INSYN2A: variants seen among roughly 807,000 people sequenced by gnomAD.
The protein encoded by INSYN2A is inhibitory synaptic factor 2A, also known as family with sequence similarity 196 member A.
In INSYN2A, 17 loss-of-function variants were observed where a neutral mutation model predicts 39.4. The observed-to-expected ratio is 0.43, with a 90% CI of 0.30 to 0.65. The LOEUF is 0.65. INSYN2A is among the 30% of genes least tolerant of loss of function. INSYN2A has a pLI of 0.14. For synonymous variants in INSYN2A, 255 were observed against 265.7 expected, an observed-to-expected ratio of 0.96 and a Z score of 0.39; for missense variants, 595 against 631.2, an observed-to-expected ratio of 0.94 and a Z score of 0.61.
Position 127,175,375 on chromosome 10 carries a change from C to T in INSYN2A, c.1021G>A (p.Ala341Thr), listed in dbSNP as rs747492162. 6.2e-7 allele frequency: 1 copy of T among 1,613,926 alleles called. No individual in the cohort carries two copies. Among genetic ancestry groups the T allele is most frequent in the Middle Eastern group, 1.6e-4 (1 of 6,084 alleles). Residue 341 changes from alanine (A) to threonine (T), a missense_variant, in exon 4 of 6, where the codon GCT (alanine) becomes ACT (threonine). Physicochemically the swap from Ala to Thr is moderately conservative, Grantham distance 58. Around this residue, in one of 2 missense-constraint regions of INSYN2A, gnomAD observed 478 missense variants for 467.4 expected, o/e 1.02. Coordinates refer to ENST00000522781, the MANE Select transcript of INSYN2A (RefSeq NM_001039762.3). This position sits in a 1 kb window ranked among gnomAD's most constrained non-coding sequence, Gnocchi z 6.3. The part of the protein sequence containing the change: ...LGNQPSPTAV[A>T]AGEECQRIVP... ...ATTCGTTGGCATTCTTCACCTGCAG[C>T]AACCGCTGTGGGACTAGGCTGGTTC...
In INSYN2A at chr10:127,152,033, G is replaced by A. The variant is rs535637448; in HGVS notation, c.1256+1819C>T. Reference sequence around the variant, plus strand: ...CACATATATATATATATTTTTTTTCGATCACCCACAGAATATTACGTAGGT... The same window carrying A: ...CACATATATATATATATTTTTTTTCAATCACCCACAGAATATTACGTAGGT... On this transcript the variant is annotated intron_variant, in intron 5 of 5. Coordinates refer to ENST00000522781, the MANE Select transcript of INSYN2A (RefSeq NM_001039762.3). Among the ~76,000 whole-genome samples, 837 of 149,834 alleles carry A rather than the reference G, an allele frequency of 5.6e-3. 11 individuals are homozygous for A. Among genetic ancestry groups the A allele is most frequent in the African/African-American group, 0.019 (789 of 40,704 alleles).
chr10:127,171,187 C>T (rs1217321774), intron 4 of INSYN2A, among the ~76,000 whole-genome samples: 1 of 152,130 alleles, frequency 6.6e-6, no homozygotes, highest in Non-Finnish European at 1.5e-5. Flanking sequence ...TGGAAATCTA[C>T]ATAAGCAAAT....
At chr10:127,160,355 A>G (rs2053492025) in intron 4 of INSYN2A, among the ~76,000 whole-genome samples, 1 of 152,174 alleles carries the variant, frequency 6.6e-6, no homozygotes, top group Admixed American at 6.5e-5. Flanking sequence ...TTAAATTCTC[A>G]ATGGAAAGTT....
intron 4 of INSYN2A, among the ~76,000 whole-genome samples, chr10:127,170,772 C>A (rs2054501331): frequency 6.6e-6 from 1 of 152,090 alleles, no homozygotes; most frequent in South Asian, 2.1e-4. Flanking sequence ...TCAATGACTC[C>A]CATTAGTGAC....
In INSYN2A at chr10:127,192,208, A is replaced by G. The variant is rs530504963; in HGVS notation, c.-269+397T>C. On this transcript the variant is annotated intron_variant, in intron 2 of 5. Coordinates refer to ENST00000522781, the MANE Select transcript of INSYN2A (RefSeq NM_001039762.3). ...ATAGTGTGGTAAAGAGAACATGTCT[A>G]TGGATGTGCAATACTTTGAATAAAC... Among the ~76,000 whole-genome samples the G allele has an allele frequency of 6.6e-5, 10 of 152,324 alleles. No individual in the cohort carries two copies. In the South Asian group the frequency reaches 2.1e-3, roughly 32 times the overall value.
chr10:127,163,044 G>T (rs569992149), intron 4 of INSYN2A, among the ~76,000 whole-genome samples: 1 of 152,076 alleles, frequency 6.6e-6, no homozygotes, highest in Non-Finnish European at 1.5e-5. Context: ...TCTTCCCTCC[G>T]GGGCAGCACA....
At chr10:127,160,394 G>A (rs2053496092) in intron 4 of INSYN2A, among the ~76,000 whole-genome samples, 1 of 152,210 alleles carries the variant, frequency 6.6e-6, no homozygotes, top group African/African-American at 2.4e-5. Flanking sequence ...GTGACTGGAT[G>A]GGGCATTTGT....
chr10:127,188,881 T>A (rs919259118), intron 2 of INSYN2A, among the ~76,000 whole-genome samples: 2 of 152,162 alleles, frequency 1.3e-5, no homozygotes, highest in Non-Finnish European at 2.9e-5. Flanking sequence ...GAGGCACAGG[T>A]AGTGGAGTCA....
At position 127,176,029 on chromosome 10, in the gene INSYN2A, T is replaced by G; in HGVS notation, c.367A>C (p.Lys123Gln). The G allele has an allele frequency of 6.2e-7, 1 of 1,614,188 alleles. No homozygotes were observed. Among genetic ancestry groups the G allele is most frequent in the South Asian group, 1.1e-5 (1 of 91,082 alleles). ...GGGAGGCTTTTGAGGTTCCCCTTTT[T>G]GCGGTCCAGAGGGAACGTCTGGTAA... ...KCYQTFPLDR[K>Q]KGNLKSLPAA... The change falls in exon 4 of 6, where the codon AAA becomes CAA. Residue 123 changes from lysine to glutamine, a missense_variant. Physicochemically the swap from Lys to Gln is moderately conservative, Grantham distance 53 (BLOSUM62 1). Around this residue, in one of 2 missense-constraint regions of INSYN2A, gnomAD observed 478 missense variants for 467.4 expected, o/e 1.02. Transcript: ENST00000522781. The surrounding 1 kb of genome is among the most constrained non-coding windows in gnomAD (Gnocchi z 4.4).
chr10:127,179,213 G>C (rs1363481808), intron 2 of INSYN2A, among the ~76,000 whole-genome samples: 1 of 152,168 alleles, frequency 6.6e-6, no homozygotes, highest in Non-Finnish European at 1.5e-5. Flanking sequence ...ACATCAGTTG[G>C]CTGGGGTAAG....
rs2056839347 is a variant in INSYN2A at position 127,192,658 on chromosome 10, G to A, written c.-322C>T. On this transcript the variant is annotated 5_prime_UTR_variant, in exon 2 of 6. Transcript: ENST00000522781. ...TTTGGAGCCAGGAAATGTCTCTGAA[G>A]TTATGGTTTTTCTCAATGTGAGAGG... The A allele has an allele frequency of 6.6e-6, 1 of 152,210 alleles. No homozygotes were observed. The highest frequency in any genetic ancestry group is 2.4e-5 in the African/African-American group (1 of 41,446). 9.4% of individuals were successfully genotyped at this position (152,210 alleles called of 1,614,324 possible).
chr10:127,178,716 GAGGA>G (rs2055426055), intron 2 of INSYN2A, among the ~76,000 whole-genome samples: 1 of 152,202 alleles, frequency 6.6e-6, no homozygotes, highest in Non-Finnish European at 1.5e-5. Flanking sequence ...CAGTTTTAGA[GAGGA>G]GAGAAAAGGC....
intron 2 of INSYN2A, among the ~76,000 whole-genome samples, chr10:127,178,552 C>G (rs540321698): frequency 2.6e-5 from 4 of 152,324 alleles, no homozygotes; most frequent in African/African-American, 9.6e-5. Flanking sequence ...TGCATTAGCC[C>G]TTGCACCTCT....
At chr10:127,140,665 G>GAGTCTCTGGGTTGAGTTTGACACACCA (rs2051151691) in intron 5 of INSYN2A, among the ~76,000 whole-genome samples, 3 of 152,162 alleles carry the variant, frequency 2.0e-5, no homozygotes, top group Admixed American at 6.6e-5. Flanking sequence ...TTGACACACC[G>GAGTCTCTGGGTTGAGTTTGACACACCA]AGTCTCTGGG....
intron 4 of INSYN2A, among the ~76,000 whole-genome samples, chr10:127,166,192 A>C (rs1042234622): frequency 6.6e-6 from 1 of 152,076 alleles, no homozygotes; most frequent in African/African-American, 2.4e-5. Context: ...CAGCCCCCCA[A>C]GTAGCTGGGA....
chr10:127,150,554 C>T, intron 5 of INSYN2A, among the ~76,000 whole-genome samples: 1 of 152,238 alleles, frequency 6.6e-6, no homozygotes, highest in East Asian at 1.9e-4. Context: ...TAACTGGCTT[C>T]TCTGTCTTTG....
At chr10:127,143,205 G>A (rs1014287009) in intron 5 of INSYN2A, among the ~76,000 whole-genome samples, 3 of 152,218 alleles carry the variant, frequency 2.0e-5, no homozygotes, top group Non-Finnish European at 4.4e-5. Context: ...AGTCGTCCAT[G>A]TGTAACAGTT....
At chr10:127,149,943 A>C (rs1404120570) in intron 5 of INSYN2A, among the ~76,000 whole-genome samples, 3 of 152,194 alleles carry the variant, frequency 2.0e-5, no homozygotes, top group Non-Finnish European at 4.4e-5. Flanking sequence ...ACTAAGAGCC[A>C]GGCTTTGATC....
chr10:127,153,236 C>T (rs1052786436), intron 5 of INSYN2A, among the ~76,000 whole-genome samples: 1 of 152,206 alleles, frequency 6.6e-6, no homozygotes, highest in African/African-American at 2.4e-5. Flanking sequence ...TTGACTATAT[C>T]TTAAAATCCT....
Sources: gnomAD v4.1 joint callset for allele counts (sites outside exome capture counted in the v4.1 genomes callset) on GRCh38, gnomAD v4.1.1 for gene constraint, gnomAD v4.1.1 regional missense constraint, Gnocchi (gnomAD v3.1) non-coding constraint, MANE v1.5 for transcripts, NCBI Gene and HGNC (gene_info 2026-07-23, HGNC 2026-07-21) for gene names.